Variants in RFX3 observed in about 807,000 individuals in gnomAD.
RFX3 encodes the protein regulatory factor X3.
Under a neutral mutation model 98.6 loss-of-function variants are expected in RFX3, and 14 were observed. The ratio of observed to expected loss-of-function variants is 0.14; its 90% CI spans 0.09 to 0.22. The LOEUF (loss-of-function observed/expected upper bound fraction) is 0.22, where lower values mean the gene tolerates loss of function less well. Ranked by LOEUF, RFX3 falls within the 10% of genes least tolerant of loss-of-function variation. RFX3 has a pLI of 1.00. For synonymous variants in RFX3, 383 were observed against 328.4 expected, an observed-to-expected ratio of 1.17 and a Z score of -1.80; for missense variants, 639 against 926.9, an observed-to-expected ratio of 0.69 and a Z score of 4.03.
rs527472680 is a variant in RFX3 at position 3,221,163 on chromosome 9, G to T, written c.*3879C>A. On this transcript the variant is annotated 3_prime_UTR_variant, in exon 17 of 17. Transcript: ENST00000617270. The stretch of plus-strand genomic sequence containing the variant: ...CTTTCTACTTGTGTCCACACAGGGA[G>T]GACCAACATCACAGTGACACTATTT... The T allele has an allele frequency of 6.6e-6, 1 of 152,154 alleles. No homozygotes were observed. The highest frequency in any genetic ancestry group is 1.9e-4 in the East Asian group (1 of 5,188). The allele number at this position is 152,154 out of a possible 1,614,324, so 9.4% of individuals were successfully genotyped here. A position where few individuals can be genotyped will look rare whatever the true frequency, so the allele number is the denominator to read the frequency against.
intron 3 of RFX3, among the ~76,000 whole-genome samples, chr9:3,344,262 C>T (rs981970425): frequency 1.3e-5 from 2 of 152,150 alleles, no homozygotes; most frequent in African/African-American, 4.8e-5. Context: ...ACTGAGGTTA[C>T]AGTTTGAGTA....
At chr9:3,345,072 C>A (rs989602761) in intron 3 of RFX3, among the ~76,000 whole-genome samples, 6 of 152,126 alleles carry the variant, frequency 3.9e-5, no homozygotes, top group African/African-American at 1.4e-4. Context: ...CATAAACAAG[C>A]ATTCACAGTA....
At chr9:3,237,300 T>C (rs1819293813) in intron 15 of RFX3, among the ~76,000 whole-genome samples, 1 of 152,246 alleles carries the variant, frequency 6.6e-6, no homozygotes, top group Non-Finnish European at 1.5e-5. Flanking sequence ...TACCAAAGAA[T>C]GCTGTTGGAT....
At chr9:3,374,700 G>C (rs937890141) in intron 2 of RFX3, among the ~76,000 whole-genome samples, 1 of 152,044 alleles carries the variant, frequency 6.6e-6, no homozygotes, top group African/African-American at 2.4e-5. Flanking sequence ...GTTACCAGGG[G>C]GAAATGGGAA....
intron 1 of RFX3, among the ~76,000 whole-genome samples, chr9:3,474,493 A>T (rs1191713355): frequency 6.6e-6 from 1 of 152,246 alleles, no homozygotes; most frequent in African/African-American, 2.4e-5. Flanking sequence ...ATTGGTTATA[A>T]GACTTCCCCG....
At chr9:3,439,321 G>A (rs1046432109) in intron 1 of RFX3, among the ~76,000 whole-genome samples, 5 of 151,704 alleles carry the variant, frequency 3.3e-5, no homozygotes, top group African/African-American at 2.4e-5. Context: ...TAAGGATCAT[G>A]GTCAAATTCA....
At chr9:3,288,281 A>G in intron 6 of RFX3, 31 bp from the exon 7 acceptor site, 3 of 1,606,220 alleles carry the variant, frequency 1.9e-6, no homozygotes, top group Non-Finnish European at 2.6e-6. Context: ...CATTAGAAAC[A>G]AAAGTCAGTC....
intron 7 of RFX3, among the ~76,000 whole-genome samples, chr9:3,281,171 A>G (rs943653538): frequency 6.6e-6 from 1 of 151,634 alleles, no homozygotes; most frequent in Non-Finnish European, 1.5e-5. Context: ...TTTATATTCT[A>G]TTGGCTTACA....
chr9:3,277,341 T>C lies in RFX3; in HGVS notation c.972A>G (p.Leu324=). ...IAQSQHHQQF[L]DASRALPEFG... ...AATATGCATTACACCTTAACATACCTAAAAACTGTTGATGATGTTGGCTTT... is the reference window on the plus strand; with the variant it reads ...AATATGCATTACACCTTAACATACCCAAAAACTGTTGATGATGTTGGCTTT... The change falls in exon 8 of 17, where the codon TTA becomes TTG. Residue 324 remains leucine (L), a splice_region_variant and synonymous_variant. Transcript: ENST00000617270. 1.2e-6 allele frequency: 2 copies of C among 1,612,410 alleles called. No homozygotes were observed. Among genetic ancestry groups the C allele is most frequent in the Admixed American group, 3.3e-5 (2 of 59,922 alleles).
chr9:3,429,551 CAGGTATT>C (rs1844458367), intron 1 of RFX3, among the ~76,000 whole-genome samples: 1 of 151,960 alleles, frequency 6.6e-6, no homozygotes, highest in Non-Finnish European at 1.5e-5. Context: ...TGTGAAGCCC[CAGGTATT>C]TTTCCACTGG....
chr9:3,485,708 C>T lies in RFX3; in HGVS notation c.-9+40039G>A, dbSNP rs189184154. Among the ~76,000 whole-genome samples the T allele has an allele frequency of 3.5e-4, 53 of 152,132 alleles. 1 individual carries two copies. Among genetic ancestry groups the T allele is most frequent in the African/African-American group, 1.3e-3 (52 of 41,520 alleles). On this transcript the variant is annotated intron_variant, in intron 1 of 16. Transcript: ENST00000617270. ...TCTCTGAAAAACAATTTAAAATCTG[C>T]AAAAATTACATGCATCATCTTTAGT...
At chr9:3,278,780 T>C (rs1419324608) in intron 7 of RFX3, among the ~76,000 whole-genome samples, 1 of 151,880 alleles carries the variant, frequency 6.6e-6, no homozygotes, top group African/African-American at 2.4e-5. Context: ...TTATTTCTTA[T>C]GTGACAGTAT....
chr9:3,258,792 T>C (rs953798264), intron 13 of RFX3, among the ~76,000 whole-genome samples: 9 of 151,850 alleles, frequency 5.9e-5, no homozygotes, highest in Admixed American at 4.6e-4. Flanking sequence ...AAATAATTTA[T>C]GCATATATCA....
chr9:3,522,448 A>C (rs1166454565), intron 1 of RFX3, among the ~76,000 whole-genome samples: 1 of 152,214 alleles, frequency 6.6e-6, no homozygotes, highest in East Asian at 1.9e-4. Context: ...GCCTCTCAAA[A>C]ATGTTAAAGT....
intron 2 of RFX3, among the ~76,000 whole-genome samples, chr9:3,366,754 T>TTTCTTTCTTTCTTTC (rs1339066119): frequency 1.4e-5 from 1 of 72,676 alleles, no homozygotes; most frequent in African/African-American, 5.2e-5. Flanking sequence ...TTCTTTCTTT[T>TTTCTTTCTTTCTTTC]TGGCTATTCT....
Position 3,356,897 on chromosome 9 carries a change from GCCAGAAAAGCA to G in RFX3, c.118-10144_118-10134del, listed in dbSNP as rs1835833331. ...AAAACATATGATCACCTCAATAAATGCCAGAAAAGCATTTGACAAAACTCAACGTCCATTCA... is the reference window on the plus strand; with the variant it reads ...AAAACATATGATCACCTCAATAAATGTTTGACAAAACTCAACGTCCATTCA... On this transcript the variant is annotated intron_variant, in intron 2 of 16. Coordinates refer to ENST00000617270, the MANE Select transcript of RFX3 (RefSeq NM_001282116.2). Among the ~76,000 whole-genome samples the G allele has an allele frequency of 5.3e-5, 8 of 150,840 alleles. No homozygotes were observed. The South Asian group carries it at 1.7e-3, about 32-fold the overall frequency.
intron 14 of RFX3, among the ~76,000 whole-genome samples, chr9:3,256,127 C>T (rs949358379): frequency 2.6e-5 from 4 of 152,120 alleles, no homozygotes; most frequent in Admixed American, 2.6e-4. Context: ...CAACCATGCC[C>T]CGCTAATTTT....
chr9:3,399,357 T>A (rs1841246282), intron 1 of RFX3, among the ~76,000 whole-genome samples: 1 of 150,460 alleles, frequency 6.6e-6, no homozygotes, highest in South Asian at 2.1e-4. Flanking sequence ...GACAGGAGAA[T>A]CCCTTGAACT....
intron 14 of RFX3, among the ~76,000 whole-genome samples, chr9:3,255,608 G>C (rs1337799422): frequency 6.6e-6 from 1 of 152,186 alleles, no homozygotes; most frequent in African/African-American, 2.4e-5. Context: ...AAATGCCAGA[G>C]TTAAAAATAT....
Sources: allele counts gnomAD v4.1 joint callset (sites outside exome capture counted in the v4.1 genomes callset), GRCh38; gene constraint gnomAD v4.1.1; transcripts MANE v1.5; gene names NCBI Gene and HGNC (gene_info 2026-07-23, HGNC 2026-07-21).